Variants in SLC1A3 observed in about 807,000 individuals in gnomAD.
SLC1A3 encodes the protein excitatory amino acid transporter 1.
In SLC1A3, 21 loss-of-function variants were observed where a neutral mutation model predicts 48.1. That is an observed-to-expected ratio of 0.44 (90% CI 0.31 to 0.63). The LOEUF is 0.63. SLC1A3 is among the 20% of genes least tolerant of loss of function. The probability of loss-of-function intolerance (pLI) is 0.08; values close to 1 mark genes in which losing one functional copy is unlikely to be tolerated. For missense variants in SLC1A3, 546 were observed against 689.0 expected (o/e 0.79, Z 2.32); for synonymous variants, 239 against 251.4 (o/e 0.95, Z 0.47).
At chr5:36,643,558 C>G (rs1192178627) in intron 3 of SLC1A3, among the ~76,000 whole-genome samples, 2 of 152,106 alleles carry the variant, frequency 1.3e-5, no homozygotes, top group African/African-American at 4.8e-5. Context: ...ATTAAACTTA[C>G]ACCTTGTAAA....
chr5:36,598,747 A>G (rs1738771751), intron 1 of SLC1A3, among the ~76,000 whole-genome samples: 1 of 152,110 alleles, frequency 6.6e-6, no homozygotes, highest in Non-Finnish European at 1.5e-5. Flanking sequence ...TCAGGCTTCC[A>G]AGTAGTTGGG....
chr5:36,597,603 A>C (rs1738760022), intron 1 of SLC1A3, among the ~76,000 whole-genome samples: 1 of 152,014 alleles, frequency 6.6e-6, no homozygotes, highest in Non-Finnish European at 1.5e-5. Context: ...CAAGGGATAC[A>C]TCTTGTTTCA....
chr5:36,683,746 G>T (rs550452643), intron 8 of SLC1A3, 118 bp from the exon 9 acceptor site: 72 of 1,072,432 alleles, frequency 6.7e-5, no homozygotes, highest in Non-Finnish European at 1.0e-4. Context: ...TTTCTGAAGC[G>T]CGTCCTCTTG....
rs572791476 is a variant in SLC1A3, at chr5:36,597,432, C to T, written c.-96+754C>T. ...CTAGTTTTTGTATTTTTAGTAGAGA[C>T]GGGGTTTCACCATATTAGCCAGGAC... On this transcript the variant is annotated intron_variant, in intron 1 of 9. Coordinates refer to the SLC1A3 transcript ENST00000680318. Among the ~76,000 whole-genome samples, 3 of 151,468 alleles carry T rather than the reference C, an allele frequency of 2.0e-5. No individual in the cohort carries two copies. In the South Asian group the frequency reaches 6.3e-4, roughly 32 times the overall value.
chr5:36,599,461 C>A (rs1165870105), intron 1 of SLC1A3, among the ~76,000 whole-genome samples: 2 of 149,754 alleles, frequency 1.3e-5, no homozygotes, highest in Non-Finnish European at 2.9e-5. Flanking sequence ...TAGGAATAGG[C>A]CTAAGACCTG....
intron 2 of SLC1A3, among the ~76,000 whole-genome samples, chr5:36,629,249 A>T (rs1202601019): frequency 6.6e-6 from 1 of 152,146 alleles, no homozygotes; most frequent in African/African-American, 2.4e-5. Flanking sequence ...TATAAGTTCT[A>T]TTGAACCACG....
chr5:36,628,322 A>T (rs555303237), intron 2 of SLC1A3, among the ~76,000 whole-genome samples: 2 of 152,276 alleles, frequency 1.3e-5, no homozygotes, highest in South Asian at 4.1e-4. Context: ...CCATTTCATA[A>T]GAAGTTAAGA....
chr5:36,685,578 G>A (rs551716314), intron 9 of SLC1A3, among the ~76,000 whole-genome samples: 5 of 152,196 alleles, frequency 3.3e-5, no homozygotes, highest in Admixed American at 1.3e-4. Context: ...GCCCGGCCTC[G>A]ACCCCAATAT....
intron 3 of SLC1A3, among the ~76,000 whole-genome samples, chr5:36,657,149 C>T (rs1741317687): frequency 6.6e-6 from 1 of 152,196 alleles, no homozygotes; most frequent in African/African-American, 2.4e-5. Context: ...TTATACTTCT[C>T]TAGATTGATA....
At chr5:36,677,242 G>A in intron 6 of SLC1A3, 58 bp downstream of exon 6, 1 of 1,490,972 alleles carries the variant, frequency 6.7e-7, no homozygotes, top group Non-Finnish European at 9.3e-7. Context: ...CCATCAACAT[G>A]TGTTCTGTAC....
chr5:36,686,374 C>A lies in SLC1A3; in HGVS notation c.*105C>A. On this transcript the variant is annotated 3_prime_UTR_variant, in exon 10 of 10. Transcript: ENST00000265113. ...CGCTCCAGCAAGCCCGTCATCTTCC[C>A]TTTCCTCCCTTCTGATAAGACTGGA... The A allele has an allele frequency of 3.3e-6, 3 of 912,498 alleles. No homozygotes were observed. The highest frequency in any genetic ancestry group is 5.4e-6 in the Non-Finnish European group (3 of 556,264). The allele number at this position is 912,498 out of a possible 1,614,324, so 56.5% of individuals were successfully genotyped here. A position where few individuals can be genotyped will look rare whatever the true frequency, so the allele number is the denominator to read the frequency against.
chr5:36,597,898 G>A (rs946501236), intron 1 of SLC1A3, among the ~76,000 whole-genome samples: 11 of 152,168 alleles, frequency 7.2e-5, no homozygotes, highest in Non-Finnish European at 1.5e-4. Context: ...CCTGTCCGCT[G>A]AGGGATTTTA....
At chr5:36,626,028 A>T (rs1739890007) in intron 2 of SLC1A3, among the ~76,000 whole-genome samples, 3 of 152,236 alleles carry the variant, frequency 2.0e-5, no homozygotes, top group Admixed American at 2.0e-4. Context: ...TGTGTCATTC[A>T]CACATTACCC....
At chr5:36,681,960 C>T (rs765649771) in intron 8 of SLC1A3, among the ~76,000 whole-genome samples, 22 of 152,190 alleles carry the variant, frequency 1.4e-4, no homozygotes, top group Non-Finnish European at 2.9e-4. Context: ...CCATCCTCTA[C>T]CAGATGGAAA....
upstream of SLC1A3, among the ~76,000 whole-genome samples, chr5:36,604,959 G>C (rs1033851094): frequency 6.6e-6 from 1 of 150,622 alleles, no homozygotes; most frequent in African/African-American, 2.4e-5. Flanking sequence ...GATAGGACCT[G>C]GTATAGTAAA....
rs1484128229 is a variant in SLC1A3 at position 36,624,345 on chromosome 5, C to T, written c.182-5105C>T. ...CAGTACCATGGCTGTTGAGAGGCTG[C>T]GAGGACAGTAGAGTGGGTGAGTCTG... On this transcript the variant is annotated intron_variant, in intron 2 of 9. Coordinates refer to ENST00000265113, the MANE Select transcript of SLC1A3 (RefSeq NM_004172.5). 3.3e-5 allele frequency among the ~76,000 whole-genome samples: 5 copies of T among 152,274 alleles called. No individual in the cohort carries two copies. In the East Asian group the frequency reaches 9.6e-4, roughly 29 times the overall value.
At chr5:36,663,200 A>G (rs1251975478) in intron 3 of SLC1A3, among the ~76,000 whole-genome samples, 4 of 151,154 alleles carry the variant, frequency 2.6e-5, no homozygotes, top group African/African-American at 9.7e-5. Flanking sequence ...TCTACACTTC[A>G]TTTTCTTTTC....
At chr5:36,644,007 G>A (rs1019943255) in intron 3 of SLC1A3, among the ~76,000 whole-genome samples, 7 of 133,456 alleles carry the variant, frequency 5.2e-5, no homozygotes, top group African/African-American at 1.1e-4. Flanking sequence ...GCAAGACTCC[G>A]TCTCAAAAAA....
chr5:36,657,460 C>T (rs1003416484), intron 3 of SLC1A3, among the ~76,000 whole-genome samples: 10 of 152,288 alleles, frequency 6.6e-5, no homozygotes, highest in African/African-American at 2.4e-4. Flanking sequence ...GGCTCCATGT[C>T]AACCTGCAAA....
Sources: gnomAD v4.1 joint callset for allele counts (sites outside exome capture counted in the v4.1 genomes callset) on GRCh38, gnomAD v4.1.1 for gene constraint, MANE v1.5 for transcripts, NCBI Gene and HGNC (gene_info 2026-07-23, HGNC 2026-07-21) for gene names.